ARSG: variants seen among roughly 807,000 people sequenced by gnomAD.
ARSG encodes ASG.
Under a neutral mutation model 50.5 loss-of-function variants are expected in ARSG, and 37 were observed. That is an observed-to-expected ratio of 0.73 (90% CI 0.56 to 0.96). ARSG has a LOEUF of 0.96. Ranked by LOEUF, ARSG falls within the 50% of genes least tolerant of loss-of-function variation. ARSG has a pLI of 0.00. For synonymous variants in ARSG, 225 were observed against 254.6 expected (o/e 0.88, Z 1.11); for missense variants, 629 against 675.3 (o/e 0.93, Z 0.76).
At chr17:68,281,352 A>G (rs1568414920) in intron 1 of ARSG, among the ~76,000 whole-genome samples, 2 of 152,048 alleles carry the variant, frequency 1.3e-5, no homozygotes, top group African/African-American at 4.8e-5. Flanking sequence ...GTGGATCATG[A>G]GGTCAAGAGA....
At chr17:68,428,956 T>C in the ARSG span, 1 of 1,590,334 alleles carries the variant, frequency 6.3e-7, no homozygotes, top group Non-Finnish European at 8.6e-7. Context: ...AAGGAAAACA[T>C]AAACCGTGAT....
At chr17:68,287,482 A>G (rs1256996912), upstream of ARSG, among the ~76,000 whole-genome samples, 2 of 151,826 alleles carry the variant, frequency 1.3e-5, no homozygotes, top group African/African-American at 2.4e-5. Flanking sequence ...ATTCATTTCT[A>G]TTTCCTTTCT....
downstream of ARSG, chr17:68,421,602 G>T: frequency 4.8e-6 from 4 of 832,680 alleles, no homozygotes; most frequent in South Asian, 4.6e-5. Flanking sequence ...AACCAGGGTC[G>T]TGGGAAGCTT....
At chr17:68,313,658 C>T (rs940112710) in intron 2 of ARSG, among the ~76,000 whole-genome samples, 1 of 148,048 alleles carries the variant, frequency 6.8e-6, no homozygotes, top group Admixed American at 6.8e-5. Flanking sequence ...GTGCAATTAG[C>T]TGTATTACGT....
At chr17:68,281,332 C>T (rs2075689136) in intron 1 of ARSG, among the ~76,000 whole-genome samples, 1 of 151,912 alleles carries the variant, frequency 6.6e-6, no homozygotes, top group South Asian at 2.1e-4. Context: ...ACTTTGGGAG[C>T]CTGAGGCAGG....
At chr17:68,350,642 G>A (rs151306292) in intron 4 of ARSG, among the ~76,000 whole-genome samples, 1,658 of 152,084 alleles carry the variant, frequency 0.011, 29 homozygotes, top group African/African-American at 0.038. Flanking sequence ...AAAATTAGCC[G>A]GGCGTGGTGG....
intron 9 of ARSG, among the ~76,000 whole-genome samples, chr17:68,390,605 G>C (rs2080945241): frequency 6.6e-6 from 1 of 152,016 alleles, no homozygotes; most frequent in Non-Finnish European, 1.5e-5. Flanking sequence ...ATGAGGCATA[G>C]TGCCAGAGTC....
chr17:68,375,188 T>C (rs936731642), intron 8 of ARSG, among the ~76,000 whole-genome samples: 1 of 152,164 alleles, frequency 6.6e-6, no homozygotes, highest in African/African-American at 2.4e-5. Flanking sequence ...ATTTCTAAGG[T>C]TCTCCTAGGT....
chr17:68,342,296 G>C (rs1176366603), intron 2 of ARSG, among the ~76,000 whole-genome samples: 2 of 151,102 alleles, frequency 1.3e-5, no homozygotes, highest in Non-Finnish European at 2.9e-5. Context: ...TTTTATGAAT[G>C]CTGCTGTGTA....
chr17:68,388,737 C>T (rs141424180), intron 9 of ARSG, among the ~76,000 whole-genome samples: 4,089 of 152,026 alleles, frequency 0.027, 190 homozygotes, highest in African/African-American at 0.093. Flanking sequence ...CCAGCCTGAC[C>T]AACATGGTGA....
chr17:68,278,242 C>T, intron 1 of ARSG: 3 of 1,614,178 alleles, frequency 1.9e-6, no homozygotes, highest in Non-Finnish European at 2.5e-6. Flanking sequence ...GAAACAGCTA[C>T]CGCCCAGCCC....
At chr17:68,337,409 T>A (rs1009803712) in intron 2 of ARSG, among the ~76,000 whole-genome samples, 3 of 151,904 alleles carry the variant, frequency 2.0e-5, no homozygotes, top group Admixed American at 6.6e-5. Flanking sequence ...CTGGGCACAT[T>A]CCAACATCTT....
chr17:68,326,181 A>G (rs953384000), intron 2 of ARSG, among the ~76,000 whole-genome samples: 6 of 152,212 alleles, frequency 3.9e-5, no homozygotes, highest in African/African-American at 7.2e-5. Flanking sequence ...CAGATATGAT[A>G]AGGGTTAGGG....
rs2075325624 is a variant in ARSG, at chr17:68,271,150, G to A, written c.-552+11724G>A. 6.2e-7 allele frequency: 1 copy of A among 1,614,000 alleles called. No homozygotes were observed. Among genetic ancestry groups the A allele is most frequent in the African/African-American group, 1.3e-5 (1 of 74,932 alleles). On this transcript the variant is annotated intron_variant, in intron 1 of 11. Coordinates refer to the ARSG transcript ENST00000448504. The surrounding 1 kb of genome is among the most constrained non-coding windows in gnomAD (Gnocchi z 5.3). ...GATCCTTCCGAAAACTTCTGCAATG[G>A]CCATCGTAGATAATAAAAAAGCAGC...
Position 68,420,772 on chromosome 17 carries a change from T to A in ARSG, c.*309T>A. On this transcript the variant is annotated 3_prime_UTR_variant, in exon 12 of 12. Transcript: ENST00000621439. ...TTTAACCTAACCTGCAAGTTGATTT[T>A]GAGGGTTAAATAAAGGCATACATGA... is the stretch of plus-strand genomic sequence containing the variant. 2.7e-6 allele frequency: 1 copy of A among 367,702 alleles called. No homozygotes were observed. The highest frequency in any genetic ancestry group is 4.5e-5 in the South Asian group (1 of 22,186). 22.8% of individuals were successfully genotyped at this position (367,702 alleles called of 1,614,324 possible). A position where few individuals can be genotyped will look rare whatever the true frequency, so the allele number is the denominator to read the frequency against.
chr17:68,433,660 A>G, the ARSG span: 1 of 1,102,100 alleles, frequency 9.1e-7, no homozygotes, highest in Non-Finnish European at 1.3e-6. Context: ...TTATAAGAAA[A>G]TCAGATGTAT....
intron 6 of ARSG, among the ~76,000 whole-genome samples, chr17:68,360,904 A>C (rs766453144): frequency 2.6e-5 from 4 of 152,264 alleles, no homozygotes; most frequent in Admixed American, 6.5e-5. Context: ...GGCGCACTGC[A>C]ACCTCTGCCT....
rs371467860 is a variant in ARSG, at chr17:68,356,694, C to T, written c.594C>T (p.Asp198=). Residue 198 remains aspartate (D), a synonymous_variant, in exon 6 of 12, where the codon GAC becomes GAT. Coordinates refer to ENST00000621439, the MANE Select transcript of ARSG (RefSeq NM_001267727.2). ...SRNLQRDCYT[D]VALPLYENLN... ...ACCTTCAAAGAGACTGTTACACTGA[C>T]GTGGCCCTCCCTCTTTATGAAAACC... is the stretch of plus-strand genomic sequence containing the variant. 23 of 1,614,110 alleles carry T rather than the reference C, an allele frequency of 1.4e-5. No individual in the cohort carries two copies. Among genetic ancestry groups the T allele is most frequent in the African/African-American group, 1.2e-4 (9 of 74,942 alleles).
At chr17:68,437,051 T>C in the ARSG span, among the ~76,000 whole-genome samples, 1 of 151,214 alleles carries the variant, frequency 6.6e-6, no homozygotes, top group Admixed American at 6.6e-5. Flanking sequence ...TATTGCTCAT[T>C]TTTACATTTT....
Sources: gnomAD v4.1 joint callset for allele counts (sites outside exome capture counted in the v4.1 genomes callset) on GRCh38, gnomAD v4.1.1 for gene constraint, Gnocchi (gnomAD v3.1) non-coding constraint, MANE v1.5 for transcripts, NCBI Gene and HGNC (gene_info 2026-07-23, HGNC 2026-07-21) for gene names.